Variants in GRIN2D observed in about 807,000 individuals in gnomAD.
GRIN2D encodes the protein glutamate receptor ionotropic, NMDA 2D.
A neutral mutation model predicts 103.2 loss-of-function variants in GRIN2D; 37 were observed. The ratio of observed to expected loss-of-function variants is 0.36; its 90% confidence interval spans 0.28 to 0.47. The LOEUF is 0.47. GRIN2D is among the 20% of genes least tolerant of loss of function. The pLI is 1.00. For synonymous variants in GRIN2D, 845 were observed against 885.6 expected (o/e 0.95, Z 0.81); for missense variants, 1,557 against 1,910.6 (o/e 0.81, Z 3.45).
chr19:48,428,653 G>T (rs2094184901), intron 11 of GRIN2D, among the ~76,000 whole-genome samples: 1 of 152,130 alleles, frequency 6.6e-6, no homozygotes, highest in African/African-American at 2.4e-5. Context: ...GTGAGCCACT[G>T]CGCCCGGCCC....
At chr19:48,425,200 G>A (rs952029170) in intron 11 of GRIN2D, among the ~76,000 whole-genome samples, 7 of 139,794 alleles carry the variant, frequency 5.0e-5, no homozygotes, top group African/African-American at 1.8e-4. Flanking sequence ...CTTGCAGTGG[G>A]AGAGCAAGAA....
chr19:48,402,152 GAAAGAAAGAAAGAA>G lies in GRIN2D; in HGVS notation c.466-2580_466-2567del, dbSNP rs1569059100. The stretch of plus-strand genomic sequence containing the variant: ...AGAAAGAAAGAAAGAAAGAAAGAAA[GAAAGAAAGAAAGAA>G]AGAGAGAAAAGAAAACAGAGATGGG... On this transcript the variant is annotated intron_variant, in intron 3 of 13. Coordinates refer to ENST00000263269, the MANE Select transcript of GRIN2D (RefSeq NM_000836.4). Among the ~76,000 whole-genome samples, 195 of 139,862 alleles carry G rather than the reference GAAAGAAAGAAAGAA, an allele frequency of 1.4e-3. 1 individual carries two copies. Among genetic ancestry groups the G allele is most frequent in the East Asian group, 8.5e-3 (43 of 5,082 alleles). 91.8% of individuals were successfully genotyped at this position (139,862 alleles called of 152,430 possible).
chr19:48,412,445 GAA>G (rs1970878931), intron 4 of GRIN2D, among the ~76,000 whole-genome samples: 2 of 148,232 alleles, frequency 1.3e-5, no homozygotes, highest in Non-Finnish European at 3.0e-5. Flanking sequence ...AAGAAAGAAA[GAA>G]AGAAAGAAAG....
chr19:48,417,435 C>T (rs1970961834), intron 8 of GRIN2D, among the ~76,000 whole-genome samples: 1 of 152,172 alleles, frequency 6.6e-6, no homozygotes, highest in African/African-American at 2.4e-5. Context: ...GGGACCATTG[C>T]TGAGCTGGAG....
At chr19:48,402,754 T>C (rs1462754774) in intron 3 of GRIN2D, among the ~76,000 whole-genome samples, 1 of 113,476 alleles carries the variant, frequency 8.8e-6, no homozygotes, top group African/African-American at 4.0e-5. Flanking sequence ...AAAAGATTCT[T>C]TACTCCTTTA....
At chr19:48,407,848 G>A (rs1006133520) in intron 4 of GRIN2D, among the ~76,000 whole-genome samples, 10 of 152,218 alleles carry the variant, frequency 6.6e-5, no homozygotes, top group Non-Finnish European at 1.5e-4. Flanking sequence ...TATGCTAGGT[G>A]GGGTGGTCAG....
chr19:48,415,680 A>G (rs1211951862), intron 7 of GRIN2D, among the ~76,000 whole-genome samples: 4 of 147,276 alleles, frequency 2.7e-5, no homozygotes, highest in African/African-American at 5.0e-5. Context: ...GGACTTTGGT[A>G]CAGAGGAGGA....
chr19:48,435,689 T>C (rs1643490), intron 11 of GRIN2D, among the ~76,000 whole-genome samples: 119,377 of 152,108 alleles, frequency 0.78, 49,548 homozygotes, highest in Non-Finnish European at 0.93. Context: ...AGGAGATCCG[T>C]GCCCCGGGCG....
intron 11 of GRIN2D, among the ~76,000 whole-genome samples, chr19:48,438,473 T>C (rs1971257458): frequency 1.3e-5 from 2 of 151,830 alleles, no homozygotes; most frequent in East Asian, 3.9e-4. Flanking sequence ...TAATTTTTTG[T>C]ATTTTTAGTA....
In GRIN2D at chr19:48,393,746, G is replaced by T. The variant is rs558721016; in HGVS notation, c.-428G>T. 4.6e-5 allele frequency among the ~76,000 whole-genome samples: 7 copies of T among 152,136 alleles called. No individual in the cohort carries two copies. Among genetic ancestry groups the T allele is most frequent in the Non-Finnish European group, 8.8e-5 (6 of 67,978 alleles). ...GCTCCAGCTCCTCCAAGCCGCGGCCGCCGCCGCCACCCTCGCCCGCAGCCT... is the reference window on the plus strand; with the variant it reads ...GCTCCAGCTCCTCCAAGCCGCGGCCTCCGCCGCCACCCTCGCCCGCAGCCT... On this transcript the variant is annotated 5_prime_UTR_variant, in exon 1 of 14. Transcript: ENST00000263269. The surrounding 1 kb of genome is among the most constrained non-coding windows in gnomAD (Gnocchi z 5.6).
In GRIN2D at chr19:48,393,935, C is replaced by CG. The variant is rs1171599262; in HGVS notation, c.-306+69dup. ...AGGGGGGGTGTGTCTGTAAGCGCTG[C>CG]GGCGGCGGAGGGAGGGAGGGGTCTG... On this transcript the variant is annotated intron_variant, in intron 1 of 13. Coordinates refer to ENST00000263269, the MANE Select transcript of GRIN2D (RefSeq NM_000836.4). This position sits in a 1 kb window ranked among gnomAD's most constrained non-coding sequence, Gnocchi z 5.6. Among the ~76,000 whole-genome samples, 1 of 151,920 alleles carries CG rather than the reference C, an allele frequency of 6.6e-6. No individual in the cohort carries two copies. The highest frequency in any genetic ancestry group is 2.4e-5 in the African/African-American group (1 of 41,350).
At position 48,415,040 on chromosome 19, in the gene GRIN2D, G is replaced by T. The variant is rs2147451670; in HGVS notation, c.1581+8G>T. On this transcript the variant is annotated splice_region_variant and intron_variant, in intron 7 of 13. Coordinates refer to ENST00000263269, the MANE Select transcript of GRIN2D (RefSeq NM_000836.4). ...AACGGCATGATCGGGGAGGTGAGGG[G>T]GCGGACGGGAGGCGGGGAATCTTCG... 1 of 1,571,462 alleles carries T rather than the reference G, an allele frequency of 6.4e-7. No individual in the cohort carries two copies. The highest frequency in any genetic ancestry group is 8.7e-7 in the Non-Finnish European group (1 of 1,154,698).
rs1971335640 is a variant in GRIN2D, at chr19:48,443,533, G to A, written c.3607G>A (p.Asp1203Asn). 7.8e-7 allele frequency: 1 copy of A among 1,289,486 alleles called. No individual in the cohort carries two copies. The highest frequency in any genetic ancestry group is 1.6e-5 in the African/African-American group (1 of 63,970). The allele number at this position is 1,289,486 out of a possible 1,614,324, so 79.9% of individuals were successfully genotyped here. ...TCTCAGCTGCTCGCACGATGGCCTG[G>A]ACGGCGGCTGGTGGGCGCCACCGCC... ...RHLSCSHDGL[D>N]GGWWAPPPPP... The change falls in exon 14 of 14, where the codon GAC becomes AAC. Residue 1203 changes from aspartate to asparagine, a missense_variant. Asp to Asn is a conservative substitution (Grantham distance 23, BLOSUM62 1). Coordinates refer to ENST00000263269, the MANE Select transcript of GRIN2D (RefSeq NM_000836.4). The surrounding 1 kb of genome is among the most constrained non-coding windows in gnomAD (Gnocchi z 8.9).
At chr19:48,399,082 G>T (rs1301559214) in intron 3 of GRIN2D, among the ~76,000 whole-genome samples, 1 of 152,168 alleles carries the variant, frequency 6.6e-6, no homozygotes, top group African/African-American at 2.4e-5. Context: ...GGGCCTTTAG[G>T]GTCAGAAAGA....
chr19:48,404,240 CA>C (rs34530972), intron 3 of GRIN2D, among the ~76,000 whole-genome samples: 32,102 of 116,622 alleles, frequency 0.28, 3,728 homozygotes, highest in East Asian at 0.52. Flanking sequence ...AATTCCATCT[CA>C]AAAAAAAAAA....
chr19:48,419,140 A>G, intron 8 of GRIN2D, 94 bp from the exon 9 acceptor site: 1 of 1,205,788 alleles, frequency 8.3e-7, no homozygotes, highest in Non-Finnish European at 1.1e-6. Flanking sequence ...CAGCCTCCCA[A>G]AGTTCTGGGA....
rs67673123 is a variant in GRIN2D at position 48,409,274 on chromosome 19, CTTTTTTT to C, written c.1085+3937_1085+3943del. On this transcript the variant is annotated intron_variant, in intron 4 of 13. Coordinates refer to ENST00000263269, the MANE Select transcript of GRIN2D (RefSeq NM_000836.4). ...CACAATGGCAATGGCAATTAAATTTCTTTTTTTTTTTTTTTTTTTTTTGAGATGAAGT... is the reference window on the plus strand; with the variant it reads ...CACAATGGCAATGGCAATTAAATTTCTTTTTTTTTTTTTTTGAGATGAAGT... 7.4e-3 allele frequency among the ~76,000 whole-genome samples: 766 copies of C among 103,718 alleles called. 5 individuals carry two copies. Among genetic ancestry groups the C allele is most frequent in the Middle Eastern group, 0.011 (2 of 178 alleles). The allele number at this position is 103,718 out of a possible 152,430, so 68.0% of individuals were successfully genotyped here. A position where few individuals can be genotyped will look rare whatever the true frequency, so the allele number is the denominator to read the frequency against.
chr19:48,420,822 G>A (rs561626148), intron 10 of GRIN2D, among the ~76,000 whole-genome samples: 3 of 152,174 alleles, frequency 2.0e-5, no homozygotes, highest in South Asian at 4.2e-4. Context: ...GTGACAGAGC[G>A]AGACTCTGCC....
At position 48,416,208 on chromosome 19, in the gene GRIN2D, C is replaced by T. The variant is rs1169303408; in HGVS notation, c.1735+53C>T. The stretch of plus-strand genomic sequence containing the variant: ...TAGCCCTAGGCAAAGTAGCCGTCCC[C>T]AACCGTGTGGGCCCTGGGATCAGAA... On this transcript the variant is annotated intron_variant, in intron 8 of 13. Coordinates refer to ENST00000263269, the MANE Select transcript of GRIN2D (RefSeq NM_000836.4). The T allele has an allele frequency of 1.9e-6, 3 of 1,539,032 alleles. No homozygotes were observed. In the South Asian group the frequency reaches 3.4e-5, roughly 17 times the overall value.
Sources: gnomAD v4.1 joint callset for allele counts (sites outside exome capture counted in the v4.1 genomes callset) on GRCh38, gnomAD v4.1.1 for gene constraint, Gnocchi (gnomAD v3.1) non-coding constraint, MANE v1.5 for transcripts, NCBI Gene and HGNC (gene_info 2026-07-23, HGNC 2026-07-21) for gene names.